EGFR: variants seen among roughly 807,000 people sequenced by gnomAD.
The protein encoded by EGFR is epidermal growth factor receptor.
In EGFR, 58 loss-of-function variants were observed where a neutral mutation model predicts 143.0. The observed-to-expected ratio is 0.41, with a 90% confidence interval of 0.33 to 0.50. EGFR has a LOEUF of 0.50. EGFR is among the 20% of genes least tolerant of loss of function. EGFR has a pLI of 0.39. For synonymous variants in EGFR, 613 were observed against 594.4 expected, an observed-to-expected ratio of 1.03 and a Z score of -0.45; for missense variants, 1,307 against 1,579.0, an observed-to-expected ratio of 0.83 and a Z score of 2.92.
chr7:55,102,407 G>A (rs553114033), intron 1 of EGFR, among the ~76,000 whole-genome samples: 2 of 152,298 alleles, frequency 1.3e-5, no homozygotes, highest in East Asian at 3.9e-4. Flanking sequence ...TGCTCTCCAG[G>A]TGAAGGACTA....
intron 1 of EGFR, among the ~76,000 whole-genome samples, chr7:55,115,909 A>G (rs949261490): frequency 4.6e-5 from 7 of 152,204 alleles, no homozygotes; most frequent in African/African-American, 1.4e-4. Context: ...ACCGCAGATT[A>G]TGCGGAGAGA....
At chr7:55,166,108 G>A (rs537746465) in intron 15 of EGFR, among the ~76,000 whole-genome samples, 367 of 152,016 alleles carry the variant, frequency 2.4e-3, no homozygotes, top group Middle Eastern at 6.8e-3. Flanking sequence ...CCAAGATCTC[G>A]CCACTGCACT....
At chr7:55,144,314 C>T (rs1185991184) in intron 3 of EGFR, among the ~76,000 whole-genome samples, 1 of 152,280 alleles carries the variant, frequency 6.6e-6, no homozygotes, top group Non-Finnish European at 1.5e-5. Context: ...CATGCTAAGC[C>T]GGGGACTGGC....
At chr7:55,079,343 G>C (rs1790334467) in intron 1 of EGFR, among the ~76,000 whole-genome samples, 1 of 152,356 alleles carries the variant, frequency 6.6e-6, no homozygotes, top group Non-Finnish European at 1.5e-5. Flanking sequence ...GCGGGTCGGC[G>C]TGCTGCTGAA....
At position 55,205,797 on chromosome 7, in the gene EGFR, T is replaced by C. The variant is rs973186405; in HGVS notation, c.*180T>C. On this transcript the variant is annotated 3_prime_UTR_variant, in exon 28 of 28. Transcript: ENST00000275493. ...TCCACCTCGGGCACATTTTGGGAAGTTGCATTCCTTTGTCTTCAAACTGTG... is the reference window on the plus strand; with the variant it reads ...TCCACCTCGGGCACATTTTGGGAAGCTGCATTCCTTTGTCTTCAAACTGTG... 2.4e-6 allele frequency: 2 copies of C among 825,424 alleles called. No homozygotes were observed. Among genetic ancestry groups the C allele is most frequent in the African/African-American group, 3.4e-5 (2 of 58,862 alleles). The allele number at this position is 825,424 out of a possible 1,614,324, so 51.1% of individuals were successfully genotyped here. A position where few individuals can be genotyped will look rare whatever the true frequency, so the allele number is the denominator to read the frequency against.
chr7:55,115,585 AGGGGTTCC>A (rs981724466), intron 1 of EGFR, among the ~76,000 whole-genome samples: 63 of 152,338 alleles, frequency 4.1e-4, no homozygotes, highest in African/African-American at 1.3e-3. Flanking sequence ...CTGAATCTCA[AGGGGTTCC>A]TGGAAGCCTT....
intron 1 of EGFR, among the ~76,000 whole-genome samples, chr7:55,139,667 T>A (rs895801433): frequency 6.6e-6 from 1 of 152,226 alleles, no homozygotes; most frequent in African/African-American, 2.4e-5. Flanking sequence ...AGTATAGACA[T>A]GTTGGGTAAT....
chr7:55,044,456 T>C (rs780282489), intron 1 of EGFR, among the ~76,000 whole-genome samples: 28 of 152,352 alleles, frequency 1.8e-4, no homozygotes, highest in Middle Eastern at 3.4e-3. Flanking sequence ...AAAGGAAGCC[T>C]TCTGCCAGGC....
At chr7:55,195,591 T>C (rs866179528) in intron 22 of EGFR, among the ~76,000 whole-genome samples, 68 of 152,116 alleles carry the variant, frequency 4.5e-4, no homozygotes, top group African/African-American at 1.6e-3. Context: ...GTCATGGGGG[T>C]TTGTTACACA....
chr7:55,211,375 C>A lies in EGFR; in HGVS notation c.*5758C>A, dbSNP rs1232473762. 6.6e-6 allele frequency: 1 copy of A among 152,178 alleles called. No individual in the cohort carries two copies. The highest frequency in any genetic ancestry group is 1.5e-5 in the Non-Finnish European group (1 of 68,024). The allele number at this position is 152,178 out of a possible 1,614,324, so 9.4% of individuals were successfully genotyped here. Reference sequence around the variant, plus strand: ...AATGTAACCGATTAACAACAGACAGCAATAACTTCGTTTTAGAAACATTCA... The same window carrying A: ...AATGTAACCGATTAACAACAGACAGAAATAACTTCGTTTTAGAAACATTCA... On this transcript the variant is annotated 3_prime_UTR_variant, in exon 28 of 28. Transcript: ENST00000275493.
chr7:55,080,727 T>C (rs1173069450), intron 1 of EGFR, among the ~76,000 whole-genome samples: 4 of 152,250 alleles, frequency 2.6e-5, no homozygotes, highest in African/African-American at 7.2e-5. Context: ...TGTGCAGTAA[T>C]ACAGTCATTA....
intron 1 of EGFR, among the ~76,000 whole-genome samples, chr7:55,054,724 G>C (rs1162878879): frequency 1.3e-5 from 2 of 152,364 alleles, no homozygotes; most frequent in African/African-American, 4.8e-5. Context: ...TTGCGGGGCA[G>C]TGGGCAGCAC....
chr7:55,055,383 G>A (rs1000927311), intron 1 of EGFR, among the ~76,000 whole-genome samples: 1 of 152,104 alleles, frequency 6.6e-6, no homozygotes, highest in African/African-American at 2.4e-5. Flanking sequence ...GAGTATCGCT[G>A]TTCTAACGTG....
At position 55,140,190 on chromosome 7, in the gene EGFR, TACTC is replaced by T. The variant is rs1271175799; in HGVS notation, c.89-2095_89-2092del. ...CTTTATTTTACTGACAAAAGTTACT[TACTC>T]TGTGATTGAATAATAAAAATTCTTT... On this transcript the variant is annotated intron_variant, in intron 1 of 27. Coordinates refer to ENST00000275493, the MANE Select transcript of EGFR (RefSeq NM_005228.5). 5.9e-5 allele frequency among the ~76,000 whole-genome samples: 9 copies of T among 152,126 alleles called. No individual in the cohort carries two copies. In the East Asian group the frequency reaches 1.5e-3, roughly 26 times the overall value.
chr7:55,082,037 C>T (rs1790493773), intron 1 of EGFR, among the ~76,000 whole-genome samples: 2 of 152,130 alleles, frequency 1.3e-5, no homozygotes. Context: ...GGTTGTGACC[C>T]ACTCCAGTGA....
chr7:55,178,992 A>G (rs751669996), intron 19 of EGFR, among the ~76,000 whole-genome samples: 1 of 152,198 alleles, frequency 6.6e-6, no homozygotes, highest in Non-Finnish European at 1.5e-5. Flanking sequence ...AATGTTGAAG[A>G]AGCAAAGGTC....
chr7:55,202,444 T>G, intron 26 of EGFR, 73 bp from the exon 27 acceptor site: 1 of 1,273,136 alleles, frequency 7.9e-7, no homozygotes, highest in Non-Finnish European at 1.1e-6. Flanking sequence ...CAAGGAGATC[T>G]CGGGTGATTT....
Position 55,191,815 on chromosome 7 carries a change from T to G in EGFR, c.2566T>G (p.Phe856Val). Residue 856 changes from phenylalanine to valine, a missense_variant, in exon 21 of 28, where the codon TTT becomes GTT. Coordinates refer to ENST00000275493, the MANE Select transcript of EGFR (RefSeq NM_005228.5). The stretch of plus-strand genomic sequence containing the variant: ...ACCGCAGCATGTCAAGATCACAGAT[T>G]TTGGGCTGGCCAAACTGCTGGGTGC... Reference protein sequence around the residue: ...KTPQHVKITDFGLAKLLGAEE... With the variant: ...KTPQHVKITDVGLAKLLGAEE... The G allele has an allele frequency of 6.2e-7, 1 of 1,614,074 alleles. No homozygotes were observed. Among genetic ancestry groups the G allele is most frequent in the Non-Finnish European group, 8.5e-7 (1 of 1,180,028 alleles).
intron 18 of EGFR, 55 bp from the exon 19 acceptor site, chr7:55,174,658 CTGGGCAGCA>C: frequency 7.3e-7 from 1 of 1,366,044 alleles, no homozygotes; most frequent in Non-Finnish European, 1.0e-6. Context: ...ACCCAGATCA[CTGGGCAGCA>C]TGTGGCACCA....
Sources: allele counts gnomAD v4.1 joint callset (sites outside exome capture counted in the v4.1 genomes callset), GRCh38; gene constraint gnomAD v4.1.1; transcripts MANE v1.5; gene names NCBI Gene and HGNC (gene_info 2026-07-23, HGNC 2026-07-21).